SH3KBP1: variants seen among roughly 807,000 people sequenced by gnomAD.
The protein encoded by SH3KBP1 is SH3 domain-containing kinase-binding protein 1.
A neutral mutation model predicts 50.1 loss-of-function variants in SH3KBP1; 8 were observed. That is an observed-to-expected ratio of 0.16 (90% CI 0.09 to 0.29). The LOEUF is 0.29. Ranked by LOEUF, SH3KBP1 falls within the 10% of genes least tolerant of loss-of-function variation. SH3KBP1 has a pLI of 1.00. For missense variants in SH3KBP1, 377 were observed against 535.2 expected, an observed-to-expected ratio of 0.70 and a Z score of 2.92; for synonymous variants, 227 against 218.6, an observed-to-expected ratio of 1.04 and a Z score of -0.34.
At chrX:19,845,248 G>A (rs2068335751) in intron 1 of SH3KBP1, among the ~76,000 whole-genome samples, 1 of 110,533 alleles carries the variant, frequency 9.0e-6, no homozygotes, top group Non-Finnish European at 1.9e-5. Context: ...GGAGGCCGAG[G>A]TGGGCAGATC....
Position 19,588,466 on chromosome X carries a change from G to T in SH3KBP1, c.1298+177C>A, listed in dbSNP as rs73457656. 2.0e-3 allele frequency: 2,400 copies of T among 1,177,505 alleles called. 27 individuals are homozygous for T. The African/African-American group carries it at 0.036, about 18-fold the overall frequency. On this transcript the variant is annotated intron_variant, in intron 12 of 17. Transcript: ENST00000397821. ...CACACTCACTCCTGCCTGAGTGCAGGAGCAAGGACAGAAGTGGCCGGTGTC... is the reference window on the plus strand; with the variant it reads ...CACACTCACTCCTGCCTGAGTGCAGTAGCAAGGACAGAAGTGGCCGGTGTC...
chrX:19,647,252 A>G (rs1343391569), intron 6 of SH3KBP1, among the ~76,000 whole-genome samples: 1 of 101,197 alleles, frequency 9.9e-6, no homozygotes, highest in African/African-American at 3.7e-5. Context: ...CACTGTCCCT[A>G]CTCCTGACTT....
chrX:19,686,071 G>A lies in SH3KBP1; in HGVS notation c.521-2043C>T, dbSNP rs770075662. Among the ~76,000 whole-genome samples the A allele has an allele frequency of 4.5e-5, 5 of 111,490 alleles. No individual in the cohort carries two copies. The East Asian group carries it at 1.4e-3, about 31-fold the overall frequency. On this transcript the variant is annotated intron_variant, in intron 5 of 17. Transcript: ENST00000397821. The stretch of plus-strand genomic sequence containing the variant: ...TTAATATGTTTATACTAATCACCGT[G>A]AGAAATACTCTACGTTACACAGAGA...
chrX:19,614,385 G>T (rs374180925), intron 8 of SH3KBP1, among the ~76,000 whole-genome samples: 1 of 112,512 alleles, frequency 8.9e-6, no homozygotes, highest in East Asian at 2.8e-4. Context: ...AGACAAACTT[G>T]CCACCTAGCT....
chrX:19,674,935 C>T (rs1602963324), intron 6 of SH3KBP1, among the ~76,000 whole-genome samples: 2 of 109,808 alleles, frequency 1.8e-5, no homozygotes, highest in South Asian at 8.0e-4. Context: ...AAAAATCAGC[C>T]GGGCGTGGTG....
At chrX:19,654,127 GTGTC>G (rs1413083889) in intron 6 of SH3KBP1, among the ~76,000 whole-genome samples, 2 of 111,729 alleles carry the variant, frequency 1.8e-5, no homozygotes, top group African/African-American at 3.3e-5. Context: ...AGGGACATGT[GTGTC>G]TGTGTGTATA....
chrX:19,628,754 C>T (rs149417719), intron 8 of SH3KBP1, among the ~76,000 whole-genome samples: 100 of 111,844 alleles, frequency 8.9e-4, no homozygotes, highest in African/African-American at 3.1e-3. Flanking sequence ...TGAGTTAAGA[C>T]TGGCTGTGTG....
chrX:19,593,609 A>G (rs2066813029), intron 10 of SH3KBP1, among the ~76,000 whole-genome samples: 1 of 110,842 alleles, frequency 9.0e-6, no homozygotes, highest in Admixed American at 9.6e-5. Context: ...AAATTGTTTT[A>G]AAAGGGTAAG....
At position 19,766,483 on chromosome X, in the gene SH3KBP1, C is replaced by CTTTTTTTTTTTTTTTT. The variant is rs61439964; in HGVS notation, c.163-20058_163-20043dup. On this transcript the variant is annotated intron_variant, in intron 2 of 17. Transcript: ENST00000397821. The stretch of plus-strand genomic sequence containing the variant: ...TGCACTTTGAGTCTGTTGATTGCAT[C>CTTTTTTTTTTTTTTTT]TTTTTTTTTTTTTTTTTTTTTTTTT... Among the ~76,000 whole-genome samples, 2 of 22,590 alleles carry CTTTTTTTTTTTTTTTT rather than the reference C, an allele frequency of 8.9e-5. 1 individual carries two copies. Among genetic ancestry groups the CTTTTTTTTTTTTTTTT allele is most frequent in the African/African-American group, 3.4e-4 (2 of 5,879 alleles). 19.6% of individuals were successfully genotyped at this position (22,590 alleles called of 115,157 possible). A position where few individuals can be genotyped will look rare whatever the true frequency, so the allele number is the denominator to read the frequency against.
chrX:19,654,909 T>C (rs1409349466), intron 6 of SH3KBP1, among the ~76,000 whole-genome samples: 1 of 112,192 alleles, frequency 8.9e-6, no homozygotes, highest in Non-Finnish European at 1.9e-5. Flanking sequence ...AGTAGCTGTA[T>C]GAATTCAACT....
At chrX:19,752,225 C>T (rs1337513692) in intron 2 of SH3KBP1, among the ~76,000 whole-genome samples, 1 of 111,824 alleles carries the variant, frequency 8.9e-6, no homozygotes. Flanking sequence ...CTAGTACTGA[C>T]GTCATCATTT....
intron 10 of SH3KBP1, among the ~76,000 whole-genome samples, chrX:19,592,403 G>A (rs1251177492): frequency 1.8e-5 from 2 of 111,758 alleles, no homozygotes; most frequent in East Asian, 5.6e-4. Context: ...TGATATTTAA[G>A]CCTGATTTCC....
intron 1 of SH3KBP1, among the ~76,000 whole-genome samples, chrX:19,869,358 T>C (rs1260413026): frequency 8.9e-6 from 1 of 112,406 alleles, no homozygotes; most frequent in Non-Finnish European, 1.9e-5. Context: ...CAGCTGGGTG[T>C]GAGACTGTAG....
intron 2 of SH3KBP1, among the ~76,000 whole-genome samples, chrX:19,776,747 T>A (rs2065996089): frequency 9.2e-6 from 1 of 108,359 alleles, no homozygotes; most frequent in Admixed American, 9.9e-5. Context: ...AGAGACAAGG[T>A]CTTGCTACGT....
At chrX:19,666,124 T>TAAA (rs11382341) in intron 6 of SH3KBP1, among the ~76,000 whole-genome samples, 5 of 93,009 alleles carry the variant, frequency 5.4e-5, no homozygotes, top group East Asian at 3.3e-4. Context: ...AAATAATTTG[T>TAAA]AAAAAAAAAA....
At chrX:19,786,985 A>T (rs1416659515) in intron 2 of SH3KBP1, among the ~76,000 whole-genome samples, 1 of 112,040 alleles carries the variant, frequency 8.9e-6, no homozygotes, top group Non-Finnish European at 1.9e-5. Flanking sequence ...CTATCTTGTG[A>T]AGAAAATTTT....
intron 2 of SH3KBP1, among the ~76,000 whole-genome samples, chrX:19,812,146 T>A (rs1226711022): frequency 9.0e-6 from 1 of 111,610 alleles, no homozygotes; most frequent in East Asian, 2.8e-4. Context: ...TCTTTGTTAG[T>A]CTTCATGAGA....
chrX:19,832,139 T>C (rs1440814257), intron 2 of SH3KBP1, among the ~76,000 whole-genome samples: 2 of 112,254 alleles, frequency 1.8e-5, no homozygotes, highest in African/African-American at 3.2e-5. Context: ...TCCTGCTACA[T>C]CCTTTCTGCC....
chrX:19,673,665 T>A (rs1018222730), intron 6 of SH3KBP1, among the ~76,000 whole-genome samples: 1 of 111,202 alleles, frequency 9.0e-6, no homozygotes, highest in East Asian at 2.8e-4. Flanking sequence ...CCAGTCCACA[T>A]TCCTCAGCAC....
Sources: gnomAD v4.1 joint callset for allele counts (sites outside exome capture counted in the v4.1 genomes callset) on GRCh38, gnomAD v4.1.1 for gene constraint, MANE v1.5 for transcripts, NCBI Gene and HGNC (gene_info 2026-07-23, HGNC 2026-07-21) for gene names.